Variants in ABTB2 observed in about 807,000 individuals in gnomAD.
ABTB2 encodes the protein ankyrin repeat and BTB domain containing 2.
A neutral mutation model predicts 104.1 loss-of-function variants in ABTB2; 56 were observed. The observed-to-expected ratio is 0.54, with a 90% CI of 0.43 to 0.67. The LOEUF (loss-of-function observed/expected upper bound fraction) is 0.67, where lower values mean the gene tolerates loss of function less well. Ranked by LOEUF, ABTB2 falls within the 30% of genes least tolerant of loss-of-function variation. The probability of loss-of-function intolerance (pLI) is 0.00; values close to 1 mark genes in which losing one functional copy is unlikely to be tolerated. For missense variants in ABTB2, 1,279 were observed against 1,407.7 expected, an observed-to-expected ratio of 0.91 and a Z score of 1.46; for synonymous variants, 606 against 608.2, an observed-to-expected ratio of 1.00 and a Z score of 0.05.
chr11:34,282,456 T>C (rs1356038568), intron 1 of ABTB2, among the ~76,000 whole-genome samples: 1 of 152,238 alleles, frequency 6.6e-6, no homozygotes, highest in Admixed American at 6.5e-5. Context: ...AATATCTATA[T>C]GCACATCAAC....
chr11:34,204,591 A>G lies in ABTB2; in HGVS notation c.983T>C (p.Leu328Pro). 6.2e-7 allele frequency: 1 copy of G among 1,613,718 alleles called. No homozygotes were observed. Among genetic ancestry groups the G allele is most frequent in the South Asian group, 1.1e-5 (1 of 91,072 alleles). ...DAYAQLELRT[L>P]EQSLLATCVG... ...GCAGGTGGCCAGGAGGGACTGCTCC[A>G]GGGTTCGGAGCTCCAGCTGGGCATA... Residue 328 changes from leucine to proline, a missense_variant, in exon 2 of 17, where the codon CTG becomes CCG. Coordinates refer to ENST00000435224, the MANE Select transcript of ABTB2 (RefSeq NM_145804.3).
At chr11:34,304,159 T>C (rs779274054) in intron 1 of ABTB2, among the ~76,000 whole-genome samples, 3 of 152,176 alleles carry the variant, frequency 2.0e-5, no homozygotes, top group Non-Finnish European at 2.9e-5. Context: ...TATCTGCCCA[T>C]TGGTGTATAG....
chr11:34,357,652 G>A lies in ABTB2; in HGVS notation c.-69C>T. 1 of 1,420,762 alleles carries A rather than the reference G, an allele frequency of 7.0e-7. No individual in the cohort carries two copies. The highest frequency in any genetic ancestry group is 1.5e-5 in the South Asian group (1 of 68,706). 88.0% of individuals were successfully genotyped at this position (1,420,762 alleles called of 1,614,324 possible). On this transcript the variant is annotated 5_prime_UTR_variant, in exon 1 of 17. Transcript: ENST00000435224. ...CAACTCCATGCCCTCTTTCCCAAGT[G>A]GGCAGAAACAAGCTCTAGGCCCTCC... is the stretch of plus-strand genomic sequence containing the variant.
chr11:34,333,678 C>T (rs541540978), intron 1 of ABTB2, among the ~76,000 whole-genome samples: 1 of 152,162 alleles, frequency 6.6e-6, no homozygotes, highest in African/African-American at 2.4e-5. Flanking sequence ...ATTGCTTGAA[C>T]CCGGGAGGCA....
intron 7 of ABTB2, among the ~76,000 whole-genome samples, chr11:34,165,994 C>T (rs1028842789): frequency 6.6e-6 from 1 of 152,202 alleles, no homozygotes; most frequent in Non-Finnish European, 1.5e-5. Context: ...AGGGGACAGA[C>T]GGGGCAGGGT....
intron 1 of ABTB2, among the ~76,000 whole-genome samples, chr11:34,300,042 T>C (rs780807192): frequency 6.6e-6 from 1 of 151,758 alleles, no homozygotes; most frequent in South Asian, 2.1e-4. Context: ...CTACGCTTGG[T>C]GGGGGGAAGA....
At position 34,162,598 on chromosome 11, in the gene ABTB2, G is replaced by T; in HGVS notation, c.2196C>A (p.Ile732=). The change falls in exon 10 of 17, where the codon ATC becomes ATA. Residue 732 remains isoleucine (I), a synonymous_variant. Coordinates refer to ENST00000435224, the MANE Select transcript of ABTB2 (RefSeq NM_145804.3). ...CACCCAGTGCCCTCAGCTCCATGGT[G>T]ATGTCCACGTAGCCGTGCTCAGCGC... The part of the protein sequence containing the change: ...YYSAEHGYVD[I]TMELRALGVP... The T allele has an allele frequency of 6.2e-7, 1 of 1,613,614 alleles. No homozygotes were observed. The highest frequency in any genetic ancestry group is 8.5e-7 in the Non-Finnish European group (1 of 1,179,980).
intron 1 of ABTB2, among the ~76,000 whole-genome samples, chr11:34,235,072 A>G (rs1449760483): frequency 6.6e-6 from 1 of 152,088 alleles, no homozygotes; most frequent in African/African-American, 2.4e-5. Context: ...CGTGTTAGCC[A>G]GGATGGTCTC....
At chr11:34,153,308 C>A (rs1285851244) in intron 16 of ABTB2, among the ~76,000 whole-genome samples, 5 of 152,072 alleles carry the variant, frequency 3.3e-5, no homozygotes, top group African/African-American at 1.2e-4. Flanking sequence ...TATTATTTAG[C>A]CTGCAGTAGG....
chr11:34,234,357 T>C (rs1035311079), intron 1 of ABTB2, among the ~76,000 whole-genome samples: 1 of 152,222 alleles, frequency 6.6e-6, no homozygotes, highest in African/African-American at 2.4e-5. Flanking sequence ...CTCCCCTCCC[T>C]GGCCTTTCTA....
intron 1 of ABTB2, among the ~76,000 whole-genome samples, chr11:34,331,505 G>A (rs2133117041): frequency 6.6e-6 from 1 of 152,250 alleles, no homozygotes; most frequent in South Asian, 2.1e-4. Context: ...TCCTGTCTAA[G>A]TCTGGGTCCC....
chr11:34,183,914 A>G (rs1324166446), intron 3 of ABTB2, among the ~76,000 whole-genome samples: 4 of 152,278 alleles, frequency 2.6e-5, no homozygotes, highest in South Asian at 4.1e-4. Context: ...CAAAAACAAA[A>G]ACAAACAAAA....
chr11:34,354,304 G>T (rs1590268412), intron 1 of ABTB2, among the ~76,000 whole-genome samples: 1 of 152,112 alleles, frequency 6.6e-6, no homozygotes, highest in East Asian at 1.9e-4. Flanking sequence ...TGGAAAGGGG[G>T]GGCAAGGAGG....
chr11:34,194,542 C>G (rs535869613), intron 3 of ABTB2, among the ~76,000 whole-genome samples: 32 of 151,768 alleles, frequency 2.1e-4, no homozygotes, highest in African/African-American at 4.9e-4. Flanking sequence ...GTGAGGGTAT[C>G]AGGGTGCTGG....
At chr11:34,334,914 G>A (rs555099810) in intron 1 of ABTB2, among the ~76,000 whole-genome samples, 4 of 151,906 alleles carry the variant, frequency 2.6e-5, no homozygotes, top group South Asian at 4.2e-4. Flanking sequence ...ATACAATGTG[G>A]GTGTGCTCAA....
intron 2 of ABTB2, among the ~76,000 whole-genome samples, chr11:34,201,646 T>G (rs1456015882): frequency 1.3e-5 from 2 of 152,150 alleles, no homozygotes; most frequent in African/African-American, 4.8e-5. Context: ...GTGCCAAGTA[T>G]CACTAGCCTC....
intron 2 of ABTB2, among the ~76,000 whole-genome samples, chr11:34,197,868 G>T (rs1028054226): frequency 2.6e-5 from 4 of 152,104 alleles, no homozygotes; most frequent in African/African-American, 9.7e-5. Flanking sequence ...TTTGACCAAG[G>T]GAATCTCTCT....
At chr11:34,174,903 A>G (rs573097245) in intron 3 of ABTB2, among the ~76,000 whole-genome samples, 81 of 152,252 alleles carry the variant, frequency 5.3e-4, no homozygotes, top group Non-Finnish European at 7.1e-4. Flanking sequence ...TCCCGATGCC[A>G]CTCTTGTCCT....
chr11:34,159,829 ACT>A (rs1271890497), intron 13 of ABTB2, 75 bp downstream of exon 13: 64 of 1,195,072 alleles, frequency 5.4e-5, no homozygotes, highest in Middle Eastern at 2.5e-4. Flanking sequence ...CCAGCGAGTC[ACT>A]CTCTGTCACC....
Sources: allele counts gnomAD v4.1 joint callset (sites outside exome capture counted in the v4.1 genomes callset), GRCh38; gene constraint gnomAD v4.1.1; transcripts MANE v1.5; gene names NCBI Gene and HGNC (gene_info 2026-07-23, HGNC 2026-07-21).